Variants in RCN2 observed in about 807,000 individuals in gnomAD.
RCN2 encodes reticulocalbin 2.
RCN2 carries 23 observed loss-of-function variants against 37.5 expected under a neutral mutation model. The observed-to-expected ratio is 0.61, with a 90% CI of 0.44 to 0.87. The LOEUF is 0.87. Ranked by LOEUF, RCN2 falls within the 40% of genes least tolerant of loss-of-function variation. The pLI, the probability that RCN2 is intolerant of heterozygous loss-of-function variation, is 0.00. For synonymous variants in RCN2, 140 were observed against 144.6 expected (o/e 0.97, Z 0.23); for missense variants, 381 against 390.4 (o/e 0.98, Z 0.20).
In RCN2 at chr15:76,951,184, A is replaced by G. The variant is rs558448797; in HGVS notation, c.*1962A>G. On this transcript the variant is annotated 3_prime_UTR_variant, in exon 7 of 7. Coordinates refer to ENST00000394885, the MANE Select transcript of RCN2 (RefSeq NM_002902.3). ...TATTTCAATCCTTTGCAGAAATGCAATGTCTGTACTACTTTCCTTCCTAGC... is the reference window on the plus strand; with the variant it reads ...TATTTCAATCCTTTGCAGAAATGCAGTGTCTGTACTACTTTCCTTCCTAGC... 1.3e-5 allele frequency: 2 copies of G among 152,284 alleles called. No individual in the cohort carries two copies. The highest frequency in any genetic ancestry group is 4.8e-5 in the African/African-American group (2 of 41,480). 9.4% of individuals were successfully genotyped at this position (152,284 alleles called of 1,614,324 possible). A position where few individuals can be genotyped will look rare whatever the true frequency, so the allele number is the denominator to read the frequency against.
intron 3 of RCN2, chr15:76,943,432 T>G (rs1686560497): frequency 4.9e-6 from 1 of 202,630 alleles, no homozygotes; most frequent in African/African-American, 2.3e-5. Flanking sequence ...TTATTAATGG[T>G]GTGGTAGGGA....
chr15:76,934,953 G>A (rs972182506), intron 2 of RCN2, among the ~76,000 whole-genome samples: 2 of 152,102 alleles, frequency 1.3e-5, no homozygotes, highest in Non-Finnish European at 1.5e-5. Flanking sequence ...AACTTTCCAG[G>A]CATTTGATGT....
chr15:76,939,406 A>G (rs2075268163), intron 3 of RCN2, among the ~76,000 whole-genome samples: 1 of 151,216 alleles, frequency 6.6e-6, no homozygotes. Flanking sequence ...ATAAATTTAT[A>G]TTTAATCAAC....
Position 76,949,212 on chromosome 15 carries a change from A to C in RCN2, c.944A>C (p.Asp315Ala), listed in dbSNP as rs756237554. ...RQLHDDYFYHDEL is the reference protein window; with the variant it reads ...RQLHDDYFYHAEL ...CTCCATGATGACTATTTCTATCATG[A>C]TGAGCTTTAATCTCTGAGCCTGTCT... The change falls in exon 7 of 7, where the codon GAT becomes GCT. Residue 315 changes from aspartate to alanine, a missense_variant. Transcript: ENST00000394885. 1 of 1,607,582 alleles carries C rather than the reference A, an allele frequency of 6.2e-7. No individual in the cohort carries two copies. Among genetic ancestry groups the C allele is most frequent in the South Asian group, 1.1e-5 (1 of 89,632 alleles).
At position 76,952,423 on chromosome 15, in the gene RCN2, T is replaced by G. The variant is rs990572644; in HGVS notation, c.*3201T>G. ...TTTTTACTGTTCATAATTTTTTAGATTGTAGTAAAATACACATAACAAAAT... is the reference window on the plus strand; with the variant it reads ...TTTTTACTGTTCATAATTTTTTAGAGTGTAGTAAAATACACATAACAAAAT... On this transcript the variant is annotated 3_prime_UTR_variant, in exon 7 of 7. Transcript: ENST00000394885. 1 of 152,180 alleles carries G rather than the reference T, an allele frequency of 6.6e-6. No individual in the cohort carries two copies. Among genetic ancestry groups the G allele is most frequent in the Non-Finnish European group, 1.5e-5 (1 of 68,040 alleles). 9.4% of individuals were successfully genotyped at this position (152,180 alleles called of 1,614,324 possible).
At chr15:76,940,310 A>T (rs1418448671) in intron 3 of RCN2, among the ~76,000 whole-genome samples, 3 of 152,106 alleles carry the variant, frequency 2.0e-5, no homozygotes, top group Non-Finnish European at 4.4e-5. Context: ...TTAAAAAAAA[A>T]AAATAACGTC....
intron 4 of RCN2, among the ~76,000 whole-genome samples, 190 bp from the exon 5 acceptor site, chr15:76,947,231 G>T (rs2075300054): frequency 6.6e-6 from 1 of 152,118 alleles, no homozygotes; most frequent in African/African-American, 2.4e-5. Context: ...TGTTTAGAAG[G>T]ATTGTCTTGA....
At chr15:76,941,450 C>T (rs1041942482) in intron 3 of RCN2, 1 of 419,198 alleles carries the variant, frequency 2.4e-6, no homozygotes, top group Non-Finnish European at 4.2e-6. Flanking sequence ...ATTAGTCTAC[C>T]AAAAGATGGC....
intron 3 of RCN2, chr15:76,941,770 T>G (rs1226881687): frequency 2.7e-6 from 2 of 751,736 alleles, no homozygotes; most frequent in Non-Finnish European, 4.0e-6. Flanking sequence ...CTTTTTTTTT[T>G]TTTAAAGAAA....
intron 5 of RCN2, 88 bp downstream of exon 5, chr15:76,947,605 C>T: frequency 1.2e-6 from 1 of 827,286 alleles, no homozygotes; most frequent in South Asian, 1.5e-5. Flanking sequence ...CTCTCTTCAA[C>T]AGGAAATGTA....
chr15:76,940,555 T>TC lies in RCN2; in HGVS notation c.448-3203_448-3202insC, dbSNP rs933710620. 7.4e-5 allele frequency among the ~76,000 whole-genome samples: 11 copies of TC among 148,782 alleles called. No homozygotes were observed. The East Asian group carries it at 2.1e-3, about 29-fold the overall frequency. On this transcript the variant is annotated intron_variant, in intron 3 of 6. Transcript: ENST00000394885. ...AATATCTGAACTTCACCTTTTTTTT[T>TC]TTTTTTTTTTTGAGAGGGAGTGTCG...
At chr15:76,941,665 T>G in intron 3 of RCN2, 1 of 1,509,790 alleles carries the variant, frequency 6.6e-7, no homozygotes, top group Non-Finnish European at 8.9e-7. Context: ...AAACAGTCTT[T>G]CTGTTTTTGG....
At chr15:76,948,773 A>G (rs990415502) in intron 6 of RCN2, 1 of 535,854 alleles carries the variant, frequency 1.9e-6, no homozygotes, top group African/African-American at 1.9e-5. Flanking sequence ...AGTGAATAGA[A>G]TAATAGTTTG....
intron 4 of RCN2, among the ~76,000 whole-genome samples, chr15:76,944,298 G>T (rs1483832493): frequency 6.6e-6 from 1 of 151,920 alleles, no homozygotes; most frequent in Admixed American, 6.6e-5. Context: ...TTTGATACAG[G>T]CATGCAATGT....
At chr15:76,940,132 A>G (rs2075270895) in intron 3 of RCN2, among the ~76,000 whole-genome samples, 1 of 151,894 alleles carries the variant, frequency 6.6e-6, no homozygotes, top group Non-Finnish European at 1.5e-5. Flanking sequence ...ACAGCCTAGG[A>G]ATATGTCTCT....
intron 4 of RCN2, among the ~76,000 whole-genome samples, 186 bp downstream of exon 4, chr15:76,944,057 A>G (rs2075286630): frequency 8.1e-6 from 1 of 123,932 alleles, no homozygotes; most frequent in Non-Finnish European, 1.6e-5. Context: ...CAGTGGGGCG[A>G]TCTCGGCTTA....
In RCN2 at chr15:76,953,564, TATATATATATATATATATATATATATATA is replaced by T. The variant is rs2075331342; in HGVS notation, c.*4343_*4371del. 6.8e-5 allele frequency: 1 copy of T among 14,604 alleles called. No homozygotes were observed. Among genetic ancestry groups the T allele is most frequent in the Non-Finnish European group, 1.4e-4 (1 of 7,112 alleles). 0.9% of individuals were successfully genotyped at this position (14,604 alleles called of 1,614,324 possible). ...GGATCATATAGTAATTCTATATATA[TATATATATATATATATATATATATATATA>T]TTTTTTTTTTTTTTTTTTTTTTTTT... is the stretch of plus-strand genomic sequence containing the variant. On this transcript the variant is annotated 3_prime_UTR_variant, in exon 7 of 7. Transcript: ENST00000394885.
Position 76,954,053 on chromosome 15 carries a change from C to A in RCN2, c.*4831C>A, listed in dbSNP as rs72742437. The A allele has an allele frequency of 1.0e-5, 1 of 98,768 alleles. No individual in the cohort carries two copies. Among genetic ancestry groups the A allele is most frequent in the Non-Finnish European group, 2.2e-5 (1 of 45,998 alleles). 6.1% of individuals were successfully genotyped at this position (98,768 alleles called of 1,614,324 possible). On this transcript the variant is annotated 3_prime_UTR_variant, in exon 7 of 7. Transcript: ENST00000394885. Reference sequence around the variant, plus strand: ...TGCTATTTTCTGTTTTTTTTTTTTTCTTTTTTTTTTTTAATAGTAGCCATC... The same window carrying A: ...TGCTATTTTCTGTTTTTTTTTTTTTATTTTTTTTTTTTAATAGTAGCCATC...
chr15:76,943,900 A>G (rs369134932), intron 4 of RCN2, 29 bp downstream of exon 4: 1 of 1,282,210 alleles, frequency 7.8e-7, no homozygotes, highest in Non-Finnish European at 1.1e-6. Flanking sequence ...TAAGAGAATT[A>G]TTGAGTGACC....
Sources: allele counts gnomAD v4.1 joint callset (sites outside exome capture counted in the v4.1 genomes callset), GRCh38; gene constraint gnomAD v4.1.1; transcripts MANE v1.5; gene names NCBI Gene and HGNC (gene_info 2026-07-23, HGNC 2026-07-21).